The following TAFA5 variants were observed in gnomAD, a reference collection of about 807,000 sequenced individuals.
TAFA5 encodes chemokine-like protein TAFA-5.
In TAFA5, 6 loss-of-function variants were observed where a neutral mutation model predicts 15.3. The observed-to-expected ratio is 0.39, with a 90% CI of 0.21 to 0.77. The LOEUF is 0.77. Ranked by LOEUF, TAFA5 falls within the 30% of genes least tolerant of loss-of-function variation. The pLI, the probability that TAFA5 is intolerant of heterozygous loss-of-function variation, is 0.41. For synonymous variants in TAFA5, 103 were observed against 80.7 expected, an observed-to-expected ratio of 1.28 and a Z score of -1.48; for missense variants, 161 against 193.1, an observed-to-expected ratio of 0.83 and a Z score of 0.98.
intron 3 of TAFA5, among the ~76,000 whole-genome samples, chr22:48,729,582 G>C (rs2147266231): frequency 6.8e-6 from 1 of 147,894 alleles, no homozygotes; most frequent in Admixed American, 6.8e-5. Context: ...TTATTCACAA[G>C]TGTATGTGGT....
chr22:48,748,677 G>A (rs1010901983), intron 3 of TAFA5, among the ~76,000 whole-genome samples: 1 of 152,246 alleles, frequency 6.6e-6, no homozygotes, highest in African/African-American at 2.4e-5. Flanking sequence ...GTCGTTCCCA[G>A]AGCAGTGACT....
chr22:48,565,138 G>A (rs531914367), intron 1 of TAFA5, among the ~76,000 whole-genome samples: 22 of 152,308 alleles, frequency 1.4e-4, no homozygotes, highest in Non-Finnish European at 2.1e-4. Context: ...AGGCGGGAGC[G>A]GACTCCCTGC....
intron 1 of TAFA5, among the ~76,000 whole-genome samples, chr22:48,620,698 C>A: frequency 2.1e-5 from 2 of 96,088 alleles, no homozygotes; most frequent in African/African-American, 4.1e-5. Flanking sequence ...TCTACTCACC[C>A]CCATACCCAT....
chr22:48,747,251 A>G (rs1930355156), intron 3 of TAFA5, among the ~76,000 whole-genome samples: 1 of 152,242 alleles, frequency 6.6e-6, no homozygotes, highest in African/African-American at 2.4e-5. Flanking sequence ...AATGCCCTGT[A>G]GCCTGAGTCC....
chr22:48,695,217 C>T (rs1239111253), intron 2 of TAFA5, among the ~76,000 whole-genome samples: 1 of 152,126 alleles, frequency 6.6e-6, no homozygotes, highest in Non-Finnish European at 1.5e-5. Context: ...ACGTTGCCCA[C>T]TCCTTTTCCC....
chr22:48,536,464 C>T (rs150224701), intron 1 of TAFA5, among the ~76,000 whole-genome samples: 72 of 152,326 alleles, frequency 4.7e-4, no homozygotes, highest in African/African-American at 1.4e-3. Flanking sequence ...GTAACGAGCG[C>T]GCACCGCCCG....
At chr22:48,723,719 G>A (rs1052358545) in intron 3 of TAFA5, among the ~76,000 whole-genome samples, 11 of 152,228 alleles carry the variant, frequency 7.2e-5, no homozygotes, top group Non-Finnish European at 2.9e-5. Context: ...TCTGTAGAAG[G>A]GGGTAAGAAT....
chr22:48,705,433 T>A (rs1047502419), intron 2 of TAFA5, among the ~76,000 whole-genome samples: 2 of 152,184 alleles, frequency 1.3e-5, no homozygotes, highest in Middle Eastern at 3.2e-3. Context: ...GCTGTCCCTT[T>A]GTCTGTCTTC....
intron 1 of TAFA5, among the ~76,000 whole-genome samples, chr22:48,537,740 G>A (rs1050110085): frequency 9.2e-5 from 14 of 152,170 alleles, no homozygotes; most frequent in Non-Finnish European, 4.4e-5. Flanking sequence ...CCCTGTCAGA[G>A]CGCCCAGCCC....
Position 48,749,626 on chromosome 22 carries a change from G to GC in TAFA5, c.391-209dup, listed in dbSNP as rs372290405. On this transcript the variant is annotated intron_variant, in intron 3 of 3. Coordinates refer to ENST00000402357, the MANE Select transcript of TAFA5 (RefSeq NM_001082967.3). Reference sequence around the variant, plus strand: ...CCCCTCCAGGTCGTGCACAGAGGGCGCCCCACTCTCCCGAGACACAAGGAA... The same window carrying GC: ...CCCCTCCAGGTCGTGCACAGAGGGCGCCCCCACTCTCCCGAGACACAAGGAA... 5.3e-5 allele frequency among the ~76,000 whole-genome samples: 8 copies of GC among 152,306 alleles called. No homozygotes were observed. In the East Asian group the frequency reaches 1.5e-3, roughly 29 times the overall value.
Position 48,634,217 on chromosome 22 carries a change from AACTCACTTATTCACTCATTC to A in TAFA5, c.113-12366_113-12347del, listed in dbSNP as rs1248065858. On this transcript the variant is annotated intron_variant, in intron 1 of 3. Transcript: ENST00000402357. The stretch of plus-strand genomic sequence containing the variant: ...CTCACCCATCACTCACTCATTGACT[AACTCACTTATTCACTCATTC>A]ACTCACTTATTCAATCATTTACTCA... 5.4e-4 allele frequency among the ~76,000 whole-genome samples: 81 copies of A among 151,226 alleles called. 1 individual carries two copies. The highest frequency in any genetic ancestry group is 2.8e-3 in the East Asian group (14 of 5,058).
intron 3 of TAFA5, among the ~76,000 whole-genome samples, chr22:48,741,963 G>T (rs1255754975): frequency 6.6e-6 from 1 of 152,332 alleles, no homozygotes; most frequent in African/African-American, 2.4e-5. Flanking sequence ...TTCTCTCTTA[G>T]GCTGAACTCT....
At chr22:48,714,914 G>A (rs4988651) in intron 3 of TAFA5, among the ~76,000 whole-genome samples, 9,659 of 152,260 alleles carry the variant, frequency 0.063, 367 homozygotes, top group Admixed American at 0.095. Flanking sequence ...TCCTTGGCTC[G>A]TGGCCACAGC....
rs979573633 is a variant in TAFA5 at position 48,750,071 on chromosome 22, C to T, written c.*224C>T. 1 of 591,314 alleles carries T rather than the reference C, an allele frequency of 1.7e-6. No individual in the cohort carries two copies. The highest frequency in any genetic ancestry group is 3.0e-6 in the Non-Finnish European group (1 of 332,214). 36.6% of individuals were successfully genotyped at this position (591,314 alleles called of 1,614,324 possible). On this transcript the variant is annotated 3_prime_UTR_variant, in exon 4 of 4. Coordinates refer to ENST00000402357, the MANE Select transcript of TAFA5 (RefSeq NM_001082967.3). ...ACTCAGACACATAGGCGGGGGGCGG[C>T]ACCTGGCATCAGCAATACGCAGTCT...
intron 2 of TAFA5, among the ~76,000 whole-genome samples, chr22:48,675,458 A>G (rs1007279800): frequency 8.5e-5 from 13 of 152,244 alleles, no homozygotes; most frequent in African/African-American, 3.1e-4. Flanking sequence ...CCCGGCCCAT[A>G]CACCCACTTG....
Position 48,650,968 on chromosome 22 carries a change from C to T in TAFA5, c.262+4222C>T, listed in dbSNP as rs189568083. 8.8e-3 allele frequency among the ~76,000 whole-genome samples: 1,335 copies of T among 152,338 alleles called. 16 individuals are homozygous for T. Among genetic ancestry groups the T allele is most frequent in the Non-Finnish European group, 0.014 (968 of 68,026 alleles). On this transcript the variant is annotated intron_variant, in intron 2 of 3. Coordinates refer to ENST00000402357, the MANE Select transcript of TAFA5 (RefSeq NM_001082967.3). Reference sequence around the variant, plus strand: ...GGGTCCCGCAGCCACCACAGCACGGCACTGAGGACTGAGACCCTGTGTCCG... The same window carrying T: ...GGGTCCCGCAGCCACCACAGCACGGTACTGAGGACTGAGACCCTGTGTCCG...
chr22:48,578,628 T>C (rs1387104396), intron 1 of TAFA5, among the ~76,000 whole-genome samples: 1 of 152,144 alleles, frequency 6.6e-6, no homozygotes, highest in African/African-American at 2.4e-5. Context: ...ACAGGTACCT[T>C]TGGAGGAGCG....
At chr22:48,593,010 G>A (rs1180442495) in intron 1 of TAFA5, among the ~76,000 whole-genome samples, 1 of 152,152 alleles carries the variant, frequency 6.6e-6, no homozygotes, top group Non-Finnish European at 1.5e-5. Flanking sequence ...AGCTAGCTGA[G>A]TGGGGCGGGG....
At chr22:48,745,266 C>T (rs377503411) in intron 3 of TAFA5, among the ~76,000 whole-genome samples, 9 of 151,514 alleles carry the variant, frequency 5.9e-5, no homozygotes, top group African/African-American at 1.9e-4. Flanking sequence ...CTGGCCTGTC[C>T]GGGGTTCACC....
Sources: allele counts gnomAD v4.1 joint callset (sites outside exome capture counted in the v4.1 genomes callset), GRCh38; gene constraint gnomAD v4.1.1; transcripts MANE v1.5; gene names NCBI Gene and HGNC (gene_info 2026-07-23, HGNC 2026-07-21).